The following LIMK2 variants were observed in gnomAD, a reference collection of about 807,000 sequenced individuals.
LIMK2 encodes LIM domain kinase 2.
Under a neutral mutation model 75.7 loss-of-function variants are expected in LIMK2, and 35 were observed. The observed-to-expected ratio is 0.46, with a 90% CI of 0.35 to 0.61. The LOEUF is 0.61. Ranked by LOEUF, LIMK2 falls within the 20% of genes least tolerant of loss-of-function variation. The pLI is 0.00. For synonymous variants in LIMK2, 301 were observed against 319.2 expected (o/e 0.94, Z 0.61); for missense variants, 623 against 831.0 (o/e 0.75, Z 3.08).
At chr22:31,258,209 G>T (rs927730503) in intron 2 of LIMK2, 82 bp from the exon 3 acceptor site, 1 of 1,429,960 alleles carries the variant, frequency 7.0e-7, no homozygotes, top group Admixed American at 2.2e-5. Context: ...CCATTTTGTT[G>T]TCATACCTAG....
At chr22:31,233,112 A>G (rs2048543188) in intron 2 of LIMK2, among the ~76,000 whole-genome samples, 1 of 152,210 alleles carries the variant, frequency 6.6e-6, no homozygotes, top group African/African-American at 2.4e-5. Flanking sequence ...GTTGTATTAG[A>G]GAAAAGTGGA....
chr22:31,268,150 T>A lies in LIMK2; in HGVS notation c.1267T>A (p.Phe423Ile). 1 of 1,613,788 alleles carries A rather than the reference T, an allele frequency of 6.2e-7. No individual in the cohort carries two copies. Among genetic ancestry groups the A allele is most frequent in the Non-Finnish European group, 8.5e-7 (1 of 1,179,748 alleles). Residue 423 changes from phenylalanine to isoleucine, a missense_variant, in exon 11 of 16, where the codon TTC becomes ATC. By Grantham distance (21) the Phe-to-Ile change is conservative. This residue lies in a region of LIMK2 where 514 missense variants were observed against 661.3 expected (regional missense o/e 0.78). Transcript: ENST00000331728. ...ATCATTCCCCATTCTGCAGGATCCGTTCCCCTGGCAGCAGAAGGTCAGGTT... is the reference window on the plus strand; with the variant it reads ...ATCATTCCCCATTCTGCAGGATCCGATCCCCTGGCAGCAGAAGGTCAGGTT... ...LKDFLRSMDP[F>I]PWQQKVRFAK...
At position 31,266,104 on chromosome 22, in the gene LIMK2, G is replaced by C. The variant is rs771753332; in HGVS notation, c.1013G>C (p.Gly338Ala). 6.8e-6 allele frequency: 11 copies of C among 1,614,220 alleles called. No individual in the cohort carries two copies. The highest frequency in any genetic ancestry group is 9.3e-6 in the Non-Finnish European group (11 of 1,180,040). Reference sequence around the variant, plus strand: ...GACCTAATCCATGGGGAGGTCCTGGGGAAGGGCTTCTTTGGGCAGGCTATC... The same window carrying C: ...GACCTAATCCATGGGGAGGTCCTGGCGAAGGGCTTCTTTGGGCAGGCTATC... ...PCDLIHGEVLGKGFFGQAIKV... is the reference protein window; with the variant it reads ...PCDLIHGEVLAKGFFGQAIKV... Residue 338 changes from glycine to alanine, a missense_variant, in exon 8 of 16, where the codon GGG becomes GCG. Transcript: ENST00000331728.
chr22:31,224,146 G>T (rs747765801), intron 1 of LIMK2, among the ~76,000 whole-genome samples: 9 of 152,164 alleles, frequency 5.9e-5, no homozygotes, highest in Non-Finnish European at 1.0e-4. Context: ...GCTGAGTCAG[G>T]TACCACAGCT....
At chr22:31,222,972 A>G (rs5749237) in intron 1 of LIMK2, 13,135 of 152,166 alleles carry the variant, frequency 0.086, 859 homozygotes, top group East Asian at 0.4. Context: ...GTAAGATGGA[A>G]TGGGATCCAG....
chr22:31,251,658 T>G (rs1317131668), intron 2 of LIMK2, among the ~76,000 whole-genome samples: 1 of 151,774 alleles, frequency 6.6e-6, no homozygotes, highest in Non-Finnish European at 1.5e-5. Flanking sequence ...TGTGTTTGGT[T>G]AATTTTTTAA....
intron 2 of LIMK2, chr22:31,248,522 A>C: frequency 3.2e-6 from 5 of 1,570,876 alleles, no homozygotes; most frequent in Admixed American, 1.8e-5. Context: ...CCCTGTGGGA[A>C]TCTGCTGGGG....
chr22:31,263,929 G>A (rs2048866053), intron 7 of LIMK2, among the ~76,000 whole-genome samples: 1 of 152,174 alleles, frequency 6.6e-6, no homozygotes, highest in Admixed American at 6.5e-5. Context: ...GTTCAAGACT[G>A]CAGTGAGCCT....
intron 1 of LIMK2, among the ~76,000 whole-genome samples, chr22:31,215,430 G>T (rs962788256): frequency 6.6e-6 from 1 of 152,134 alleles, no homozygotes; most frequent in Non-Finnish European, 1.5e-5. Context: ...ATTTTAACAG[G>T]TGTTAGAGCC....
intron 5 of LIMK2, among the ~76,000 whole-genome samples, chr22:31,261,862 C>CA (rs2048843756): frequency 1.3e-5 from 2 of 152,254 alleles, no homozygotes; most frequent in African/African-American, 4.8e-5. Flanking sequence ...GGAAAGAAGG[C>CA]AGAGTTCTTA....
At chr22:31,224,582 G>A (rs532323055) in intron 1 of LIMK2, among the ~76,000 whole-genome samples, 1 of 152,334 alleles carries the variant, frequency 6.6e-6, no homozygotes, top group East Asian at 1.9e-4. Flanking sequence ...GGATTATTTT[G>A]AGAATTAAAT....
intron 1 of LIMK2, among the ~76,000 whole-genome samples, chr22:31,223,716 A>T (rs730286): frequency 0.38 from 56,996 of 151,982 alleles, 13,871 homozygotes; most frequent in East Asian, 0.81. Context: ...TTTGTGAGAG[A>T]GATGGCATAC....
chr22:31,223,584 T>A (rs948891269), intron 1 of LIMK2, among the ~76,000 whole-genome samples: 59 of 152,350 alleles, frequency 3.9e-4, no homozygotes, highest in African/African-American at 1.4e-3. Flanking sequence ...TTCCAAAACT[T>A]GGAAGATTCA....
chr22:31,237,475 A>G (rs2048588893), intron 2 of LIMK2, among the ~76,000 whole-genome samples: 1 of 151,682 alleles, frequency 6.6e-6, no homozygotes, highest in South Asian at 2.1e-4. Context: ...AAGGCAGGAG[A>G]ATAGCTTGAA....
At chr22:31,257,320 A>G (rs992670567) in intron 2 of LIMK2, among the ~76,000 whole-genome samples, 2 of 152,196 alleles carry the variant, frequency 1.3e-5, no homozygotes, top group African/African-American at 4.8e-5. Context: ...GAACACCTAC[A>G]TACCTTTCAC....
chr22:31,223,261 G>C (rs960524354), intron 1 of LIMK2, among the ~76,000 whole-genome samples: 1 of 152,080 alleles, frequency 6.6e-6, no homozygotes, highest in African/African-American at 2.4e-5. Context: ...TGTGTTGATT[G>C]AATGTCTTTG....
intron 15 of LIMK2, chr22:31,277,500 T>C (rs112387690): frequency 9.5e-7 from 1 of 1,051,112 alleles, no homozygotes; most frequent in African/African-American, 1.7e-5. Context: ...TGTTCCTTTA[T>C]AGGCCAAGGA....
chr22:31,218,949 G>A (rs2048410625), intron 1 of LIMK2, among the ~76,000 whole-genome samples: 1 of 152,188 alleles, frequency 6.6e-6, no homozygotes, highest in East Asian at 1.9e-4. Flanking sequence ...CAGTGCTTGA[G>A]GATTTCTCAC....
chr22:31,262,561 G>A lies in LIMK2; in HGVS notation c.658-34G>A. 1 of 1,578,912 alleles carries A rather than the reference G, an allele frequency of 6.3e-7. No homozygotes were observed. Among genetic ancestry groups the A allele is most frequent in the Non-Finnish European group, 8.6e-7 (1 of 1,156,992 alleles). On this transcript the variant is annotated intron_variant, in intron 6 of 15. Transcript: ENST00000331728. The surrounding 1 kb of genome is among the most constrained non-coding windows in gnomAD (Gnocchi z 5.0). The stretch of plus-strand genomic sequence containing the variant: ...GCCATGGGTGGCCTGGGATGGGGCA[G>A]CCTGTGGGAGCTTTATACTGCTCTT...
Sources: allele counts gnomAD v4.1 joint callset (sites outside exome capture counted in the v4.1 genomes callset), GRCh38; gene constraint gnomAD v4.1.1; regional missense constraint gnomAD v4.1.1; non-coding constraint Gnocchi (gnomAD v3.1); transcripts MANE v1.5; gene names NCBI Gene and HGNC (gene_info 2026-07-23, HGNC 2026-07-21).